The following C1orf159 variants were observed in gnomAD, a reference collection of about 807,000 sequenced individuals.
The protein encoded by C1orf159 is uncharacterized protein C1orf159.
Under a neutral mutation model 25.6 loss-of-function variants are expected in C1orf159, and 19 were observed. The ratio of observed to expected loss-of-function variants is 0.74; its 90% CI spans 0.52 to 1.09. C1orf159 has a LOEUF of 1.09. Ranked by LOEUF, C1orf159 falls within the 50% of genes least tolerant of loss-of-function variation. The pLI is 0.00. For missense variants in C1orf159, 274 were observed against 290.6 expected (o/e 0.94, Z 0.42); for synonymous variants, 139 against 124.7 (o/e 1.12, Z -0.77).
chr1:1,109,210 T>G (rs1646224689), intron 1 of C1orf159, among the ~76,000 whole-genome samples: 2 of 152,156 alleles, frequency 1.3e-5, no homozygotes, highest in South Asian at 4.1e-4. Context: ...TGAAAAGAAA[T>G]TTTGGACGCA....
At chr1:1,088,298 C>T (rs1167394694) in intron 4 of C1orf159, among the ~76,000 whole-genome samples, 2 of 93,562 alleles carry the variant, frequency 2.1e-5, no homozygotes, top group Admixed American at 9.7e-5. Context: ...GACCCTCCCA[C>T]GCCTCCCCAG....
chr1:1,090,750 G>T, intron 3 of C1orf159: 1 of 859,894 alleles, frequency 1.2e-6, no homozygotes, highest in Non-Finnish European at 1.9e-6. Flanking sequence ...GTCTCCGGAG[G>T]CTCTCCATCA....
intron 1 of C1orf159, among the ~76,000 whole-genome samples, chr1:1,111,528 C>T (rs186816909): frequency 1.2e-3 from 176 of 152,234 alleles, no homozygotes; most frequent in African/African-American, 3.8e-3. Context: ...AGCCAGACCC[C>T]GTCTCAACAA....
intron 1 of C1orf159, among the ~76,000 whole-genome samples, chr1:1,093,340 C>T (rs1645966956): frequency 6.6e-6 from 1 of 152,234 alleles, no homozygotes; most frequent in South Asian, 2.1e-4. Flanking sequence ...AGATTTCAAT[C>T]AACACTTTCA....
chr1:1,096,944 G>C (rs1646016362), intron 1 of C1orf159, among the ~76,000 whole-genome samples: 1 of 152,178 alleles, frequency 6.6e-6, no homozygotes, highest in Non-Finnish European at 1.5e-5. Flanking sequence ...ACTGAAGCAT[G>C]ATGTTGCTGG....
chr1:1,104,968 C>T (rs1187900751), intron 1 of C1orf159, among the ~76,000 whole-genome samples: 1 of 152,230 alleles, frequency 6.6e-6, no homozygotes. Flanking sequence ...GCACTTGCCA[C>T]ATGCCAGACA....
chr1:1,107,357 G>A (rs1044961507), intron 1 of C1orf159, among the ~76,000 whole-genome samples: 3 of 152,162 alleles, frequency 2.0e-5, no homozygotes, highest in Non-Finnish European at 4.4e-5. Flanking sequence ...AATCCGGTGG[G>A]GACTTGGAGA....
At chr1:1,099,060 T>C (rs1267213005) in intron 1 of C1orf159, among the ~76,000 whole-genome samples, 1 of 152,268 alleles carries the variant, frequency 6.6e-6, no homozygotes, top group East Asian at 1.9e-4. Flanking sequence ...TTGTGGGTTG[T>C]CTATTGATGT....
intron 3 of C1orf159, chr1:1,091,165 GCGATGCGCGGCA>G (rs1645926065): frequency 1.6e-6 from 1 of 618,628 alleles, no homozygotes; most frequent in Admixed American, 2.9e-5. Context: ...CTCCCCGATA[GCGATGCGCGGCA>G]CGCTGTGCTG....
In C1orf159 at chr1:1,112,391, G is replaced by A. The variant is rs530782467; in HGVS notation, c.-136+3669C>T. 8.3e-4 allele frequency among the ~76,000 whole-genome samples: 126 copies of A among 152,106 alleles called. 1 individual carries two copies. The highest frequency in any genetic ancestry group is 1.4e-3 in the Non-Finnish European group (97 of 68,010). On this transcript the variant is annotated intron_variant, in intron 1 of 9. Coordinates refer to ENST00000421241, the MANE Select transcript of C1orf159 (RefSeq NM_017891.5). The stretch of plus-strand genomic sequence containing the variant: ...CTACTCCAGTGAACACACGGCGCAC[G>A]GTCCCTCCCTCCAGTGAACACAACG...
intron 1 of C1orf159, among the ~76,000 whole-genome samples, chr1:1,103,585 T>A (rs965286844): frequency 6.6e-6 from 1 of 151,828 alleles, no homozygotes; most frequent in Non-Finnish European, 1.5e-5. Context: ...GGGTCAGGGG[T>A]CTGCCAGAAA....
chr1:1,113,913 CTT>C (rs763307791), intron 1 of C1orf159, among the ~76,000 whole-genome samples: 1,662 of 120,852 alleles, frequency 0.014, 14 homozygotes, highest in African/African-American at 0.05. Flanking sequence ...CCCTCGAGGC[CTT>C]TTTTTTTTTT....
At chr1:1,091,734 T>C (rs531221747) in intron 2 of C1orf159, 169 bp from the exon 3 acceptor site, 327 of 196,006 alleles carry the variant, frequency 1.7e-3, no homozygotes, top group African/African-American at 0.012. Flanking sequence ...TGGGGCCAAA[T>C]GGAAGTGGGC....
At chr1:1,102,853 C>G (rs1198414979) in intron 1 of C1orf159, among the ~76,000 whole-genome samples, 1 of 151,192 alleles carries the variant, frequency 6.6e-6, no homozygotes, top group Non-Finnish European at 1.5e-5. Context: ...ACAAGAGTTT[C>G]ACTCTTGTCC....
At chr1:1,095,288 A>AG (rs1645995435) in intron 1 of C1orf159, among the ~76,000 whole-genome samples, 1 of 152,276 alleles carries the variant, frequency 6.6e-6, no homozygotes, top group Non-Finnish European at 1.5e-5. Context: ...ATGTTTTAAC[A>AG]GGATTGAGTC....
At chr1:1,092,440 C>G (rs74048005) in intron 1 of C1orf159, 121 of 156,302 alleles carry the variant, frequency 7.7e-4, no homozygotes, top group Middle Eastern at 3.3e-3. Context: ...CTCTCTCCCC[C>G]CTGCACTTCC....
chr1:1,095,889 G>A (rs962303039), intron 1 of C1orf159, among the ~76,000 whole-genome samples: 2 of 152,118 alleles, frequency 1.3e-5, no homozygotes, highest in African/African-American at 4.8e-5. Context: ...CATAAAACAG[G>A]TATAAATGTT....
intron 6 of C1orf159, among the ~76,000 whole-genome samples, 199 bp from the exon 7 acceptor site, chr1:1,086,211 G>A (rs1193274120): frequency 6.6e-6 from 1 of 152,246 alleles, no homozygotes; most frequent in African/African-American, 2.4e-5. Flanking sequence ...GCATCTGGCC[G>A]CGGGGTCTGG....
In C1orf159 at chr1:1,082,746, G is replaced by A. The variant is rs1645763387; in HGVS notation, c.*147C>T. ...GGCCCGGGACCCTTTGGCGTCCGTC[G>A]CTGGGAGGCGGAGGGACTCAGAGCC... On this transcript the variant is annotated 3_prime_UTR_variant, in exon 10 of 10. Transcript: ENST00000421241. The A allele has an allele frequency of 1.4e-6, 1 of 716,402 alleles. No individual in the cohort carries two copies. The allele number at this position is 716,402 out of a possible 1,614,324, so 44.4% of individuals were successfully genotyped here. A position where few individuals can be genotyped will look rare whatever the true frequency, so the allele number is the denominator to read the frequency against.
Sources: allele counts gnomAD v4.1 joint callset (sites outside exome capture counted in the v4.1 genomes callset), GRCh38; gene constraint gnomAD v4.1.1; transcripts MANE v1.5; gene names NCBI Gene and HGNC (gene_info 2026-07-23, HGNC 2026-07-21).